The following EXOC4 variants were observed in gnomAD, a reference collection of about 807,000 sequenced individuals.
EXOC4 encodes the protein SEC8-like 1.
EXOC4 carries 71 observed loss-of-function variants against 107.2 expected under a neutral mutation model. The observed-to-expected ratio is 0.66, with a 90% CI of 0.55 to 0.81. The LOEUF (loss-of-function observed/expected upper bound fraction) is 0.81. EXOC4 is among the 30% of genes least tolerant of loss of function. The pLI, the probability that EXOC4 is intolerant of heterozygous loss-of-function variation, is 0.00. For missense variants in EXOC4, 1,108 were observed against 1,189.6 expected, an observed-to-expected ratio of 0.93 and a Z score of 1.01; for synonymous variants, 456 against 441.2, an observed-to-expected ratio of 1.03 and a Z score of -0.42.
chr7:133,873,610 GA>G (rs1309563521), intron 11 of EXOC4, among the ~76,000 whole-genome samples: 1 of 152,166 alleles, frequency 6.6e-6, no homozygotes, highest in Non-Finnish European at 1.5e-5. Flanking sequence ...ATTATTTTAT[GA>G]AAACAGTGGT....
intron 14 of EXOC4, among the ~76,000 whole-genome samples, chr7:133,974,963 A>T (rs191206148): frequency 1.3e-5 from 2 of 152,272 alleles, no homozygotes; most frequent in Admixed American, 6.5e-5. Context: ...AATTATGGCA[A>T]AGTACCAGAT....
intron 10 of EXOC4, among the ~76,000 whole-genome samples, chr7:133,782,588 C>T (rs1484018934): frequency 2.0e-5 from 3 of 152,230 alleles, no homozygotes; most frequent in South Asian, 2.1e-4. Context: ...AAAATGAACC[C>T]GACATGGGAG....
At chr7:133,506,537 A>G (rs528052578) in intron 9 of EXOC4, among the ~76,000 whole-genome samples, 1 of 152,264 alleles carries the variant, frequency 6.6e-6, no homozygotes, top group Admixed American at 6.5e-5. Flanking sequence ...ATTTCAAAAA[A>G]TGTTGCAGTA....
intron 17 of EXOC4, among the ~76,000 whole-genome samples, chr7:134,020,014 A>G (rs1794993414): frequency 1.3e-5 from 2 of 152,074 alleles, no homozygotes; most frequent in East Asian, 1.9e-4. Context: ...CTTCCAAACA[A>G]CTGTCCTTGG....
At chr7:133,873,580 T>G (rs1798791509) in intron 11 of EXOC4, among the ~76,000 whole-genome samples, 1 of 152,168 alleles carries the variant, frequency 6.6e-6, no homozygotes, top group African/African-American at 2.4e-5. Context: ...TCCTCCTGTT[T>G]TTGGTGTTAA....
intron 9 of EXOC4, among the ~76,000 whole-genome samples, chr7:133,500,290 CTG>C (rs1290844008): frequency 6.6e-6 from 1 of 152,202 alleles, no homozygotes; most frequent in Admixed American, 6.5e-5. Context: ...CCTTTTCAGT[CTG>C]TTTCTCCCTC....
At chr7:133,560,961 A>G (rs923205264) in intron 9 of EXOC4, among the ~76,000 whole-genome samples, 6 of 152,074 alleles carry the variant, frequency 3.9e-5, no homozygotes, top group Non-Finnish European at 7.3e-5. Flanking sequence ...AGGTTTAAAG[A>G]TACTAGATCA....
At chr7:134,093,477 G>A in the EXOC4 span, among the ~76,000 whole-genome samples, 5 of 152,026 alleles carry the variant, frequency 3.3e-5, no homozygotes, top group Admixed American at 6.6e-5. Flanking sequence ...ATAACAGAGC[G>A]GGGCTTCAAC....
intron 1 of EXOC4, among the ~76,000 whole-genome samples, chr7:133,271,790 A>G (rs1203107428): frequency 1.3e-5 from 2 of 152,298 alleles, no homozygotes; most frequent in South Asian, 2.1e-4. Flanking sequence ...GAGGAGCTCT[A>G]GGAGTTTTGT....
chr7:133,406,453 T>C (rs539906311), intron 7 of EXOC4, among the ~76,000 whole-genome samples: 2 of 152,346 alleles, frequency 1.3e-5, no homozygotes, highest in East Asian at 3.9e-4. Flanking sequence ...TCTGACACTT[T>C]AAAACATTAA....
At chr7:133,983,402 C>T (rs529132857) in intron 14 of EXOC4, among the ~76,000 whole-genome samples, 1 of 152,262 alleles carries the variant, frequency 6.6e-6, no homozygotes, top group East Asian at 1.9e-4. Flanking sequence ...TGAAATAAAG[C>T]AACTGGAAAA....
intron 17 of EXOC4, among the ~76,000 whole-genome samples, chr7:134,057,767 AG>A (rs1165780234): frequency 6.6e-6 from 1 of 152,138 alleles, no homozygotes; most frequent in Non-Finnish European, 1.5e-5. Context: ...ATGATTTTGA[AG>A]GACCAAGCAG....
chr7:133,591,544 TCTG>T (rs978443634), intron 9 of EXOC4, among the ~76,000 whole-genome samples: 14 of 119,760 alleles, frequency 1.2e-4, no homozygotes, highest in African/African-American at 3.2e-4. Flanking sequence ...TTTTTAAAGA[TCTG>T]GTGTGTGTGT....
At chr7:133,323,628 G>T (rs192170472) in intron 5 of EXOC4, among the ~76,000 whole-genome samples, 1 of 152,142 alleles carries the variant, frequency 6.6e-6, no homozygotes, top group Non-Finnish European at 1.5e-5. Context: ...TTTTATTGAG[G>T]ATTTTTGCAT....
At chr7:133,869,648 A>T (rs1798711185) in intron 11 of EXOC4, among the ~76,000 whole-genome samples, 1 of 152,204 alleles carries the variant, frequency 6.6e-6, no homozygotes, top group African/African-American at 2.4e-5. Context: ...ATTTGTATCC[A>T]GCTGTACCAC....
At chr7:133,929,040 C>A (rs546767718) in intron 13 of EXOC4, among the ~76,000 whole-genome samples, 8 of 137,784 alleles carry the variant, frequency 5.8e-5, no homozygotes, top group Non-Finnish European at 1.1e-4. Flanking sequence ...TCAAGCGATT[C>A]TTCTGCCTCA....
intron 17 of EXOC4, among the ~76,000 whole-genome samples, chr7:134,052,290 G>A (rs1795816368): frequency 6.6e-6 from 1 of 152,136 alleles, no homozygotes; most frequent in Non-Finnish European, 1.5e-5. Flanking sequence ...GAAGGAGGAT[G>A]TTTGAAGCAG....
chr7:133,728,413 A>G (rs1795260337), intron 10 of EXOC4, among the ~76,000 whole-genome samples: 1 of 152,300 alleles, frequency 6.6e-6, no homozygotes, highest in East Asian at 1.9e-4. Context: ...ACAGTTTTTT[A>G]TTTCAGAACT....
At chr7:134,078,333 A>C in the EXOC4 span, among the ~76,000 whole-genome samples, 1 of 151,230 alleles carries the variant, frequency 6.6e-6, no homozygotes, top group East Asian at 1.9e-4. Flanking sequence ...ATAATATTAT[A>C]TCTATAATAT....
Sources: allele counts gnomAD v4.1 joint callset (sites outside exome capture counted in the v4.1 genomes callset), GRCh38; gene constraint gnomAD v4.1.1; transcripts MANE v1.5; gene names NCBI Gene and HGNC (gene_info 2026-07-23, HGNC 2026-07-21).